Variants in MACROD2 observed in about 807,000 individuals in gnomAD.
The protein encoded by MACROD2 is ADP-ribose glycohydrolase MACROD2.
A neutral mutation model predicts 70.4 loss-of-function variants in MACROD2; 36 were observed. The ratio of observed to expected loss-of-function variants is 0.51; its 90% CI spans 0.39 to 0.68. The LOEUF (loss-of-function observed/expected upper bound fraction) is 0.68. MACROD2 is among the 30% of genes least tolerant of loss of function. The pLI, the probability that MACROD2 is intolerant of heterozygous loss-of-function variation, is 0.00. For missense variants in MACROD2, 496 were observed against 538.4 expected, an observed-to-expected ratio of 0.92 and a Z score of 0.78; for synonymous variants, 172 against 178.8, an observed-to-expected ratio of 0.96 and a Z score of 0.30.
rs534408338 is a variant in MACROD2 at position 14,504,584 on chromosome 20, A to C, written c.301+11076A>C. Among the ~76,000 whole-genome samples, 408 of 152,190 alleles carry C rather than the reference A, an allele frequency of 2.7e-3. 3 individuals carry two copies. The highest frequency in any genetic ancestry group is 4.3e-3 in the South Asian group (21 of 4,828). ...ACAGATTTTCTTCTTTGAATTTCCA[A>C]CTCATCCTTATGTCTAATTCTCATC... On this transcript the variant is annotated intron_variant, in intron 4 of 17. Coordinates refer to ENST00000684519, the MANE Select transcript of MACROD2 (RefSeq NM_001351661.2).
At chr20:14,026,414 A>G (rs577326093) in intron 2 of MACROD2, among the ~76,000 whole-genome samples, 1 of 152,294 alleles carries the variant, frequency 6.6e-6, no homozygotes, top group African/African-American at 2.4e-5. Context: ...TTGCCTGTTA[A>G]TTGATGCAGT....
chr20:14,899,412 G>T (rs2073869627), intron 5 of MACROD2, among the ~76,000 whole-genome samples: 1 of 152,026 alleles, frequency 6.6e-6, no homozygotes, highest in South Asian at 2.1e-4. Flanking sequence ...TTTTTCTGTG[G>T]GCCGTAAGGA....
chr20:14,353,337 AT>A (rs1242851314), intron 3 of MACROD2, among the ~76,000 whole-genome samples: 2 of 152,172 alleles, frequency 1.3e-5, no homozygotes, highest in East Asian at 3.8e-4. Context: ...ATGATAATTT[AT>A]TCATTAACTG....
intron 5 of MACROD2, among the ~76,000 whole-genome samples, chr20:15,086,023 C>G (rs566060960): frequency 1.3e-5 from 2 of 152,080 alleles, no homozygotes; most frequent in South Asian, 4.1e-4. Context: ...CACCCACCAA[C>G]CAGATCTACT....
chr20:15,494,833 TAAG>T (rs1411733480), intron 7 of MACROD2, among the ~76,000 whole-genome samples: 24 of 151,114 alleles, frequency 1.6e-4, no homozygotes, highest in African/African-American at 5.8e-4. Context: ...CAAAAGTAAA[TAAG>T]AAAAAAATCA....
At chr20:14,744,431 ATTATC>A (rs1270177820) in intron 5 of MACROD2, among the ~76,000 whole-genome samples, 1 of 152,160 alleles carries the variant, frequency 6.6e-6, no homozygotes, top group African/African-American at 2.4e-5. Context: ...TAACATATAT[ATTATC>A]TTACATAATT....
At chr20:14,003,696 G>A (rs537364842) in intron 2 of MACROD2, 2 of 482,186 alleles carry the variant, frequency 4.1e-6, no homozygotes, top group South Asian at 3.1e-5. Flanking sequence ...AGTCCCCACA[G>A]TGTAACAGGG....
chr20:15,191,441 G>A (rs2076569622), intron 5 of MACROD2, among the ~76,000 whole-genome samples: 1 of 152,214 alleles, frequency 6.6e-6, no homozygotes, highest in Admixed American at 6.5e-5. Context: ...TGCAGTTATA[G>A]TGAAGAGGTG....
At position 15,515,511 on chromosome 20, in the gene MACROD2, G is replaced by A. The variant is rs557514554; in HGVS notation, c.645+15664G>A. Among the ~76,000 whole-genome samples the A allele has an allele frequency of 7.9e-5, 12 of 152,264 alleles. No individual in the cohort carries two copies. In the South Asian group the frequency reaches 2.5e-3, roughly 32 times the overall value. ...AAACTTTTCCCTTCCAAATATCACT[G>A]TCTTTTACTGTGGTTGTGGATGTAC... On this transcript the variant is annotated intron_variant, in intron 8 of 17. Transcript: ENST00000684519.
chr20:15,517,477 GC>G (rs1451883426), intron 8 of MACROD2, among the ~76,000 whole-genome samples: 5 of 152,302 alleles, frequency 3.3e-5, no homozygotes, highest in Admixed American at 2.0e-4. Flanking sequence ...TGGTTTATCG[GC>G]TGTCATCTTA....
chr20:14,805,149 T>C (rs1476530933), intron 5 of MACROD2, among the ~76,000 whole-genome samples: 3 of 151,996 alleles, frequency 2.0e-5, no homozygotes, highest in Non-Finnish European at 1.5e-5. Flanking sequence ...ATGAAATTTC[T>C]CCCAAGAAAA....
chr20:14,808,520 C>CATAAACT (rs2072668001), intron 5 of MACROD2, among the ~76,000 whole-genome samples: 1 of 151,986 alleles, frequency 6.6e-6, no homozygotes, highest in African/African-American at 2.4e-5. Flanking sequence ...GAAGAAACTG[C>CATAAACT]ATAAACTAAT....
intron 4 of MACROD2, among the ~76,000 whole-genome samples, chr20:14,562,082 C>T (rs547497570): frequency 1.3e-5 from 2 of 151,958 alleles, no homozygotes; most frequent in South Asian, 4.1e-4. Context: ...CTAAATAGAA[C>T]CTATCCCTCT....
At chr20:15,102,545 T>C (rs551992694) in intron 5 of MACROD2, among the ~76,000 whole-genome samples, 2 of 152,080 alleles carry the variant, frequency 1.3e-5, no homozygotes, top group South Asian at 2.1e-4. Context: ...TTGAGTAGAA[T>C]AGAAAAGAGT....
chr20:14,857,197 A>C (rs1405536274), intron 5 of MACROD2, among the ~76,000 whole-genome samples: 1 of 152,148 alleles, frequency 6.6e-6, no homozygotes, highest in Non-Finnish European at 1.5e-5. Flanking sequence ...ACTGTCCTCC[A>C]CACAGATTAG....
At chr20:14,776,557 T>A (rs2072236631) in intron 5 of MACROD2, among the ~76,000 whole-genome samples, 1 of 152,034 alleles carries the variant, frequency 6.6e-6, no homozygotes, top group African/African-American at 2.4e-5. Context: ...AACATACGGG[T>A]CAGATTTGTC....
chr20:14,667,474 G>A (rs1357303228), intron 4 of MACROD2, among the ~76,000 whole-genome samples: 1 of 152,102 alleles, frequency 6.6e-6, no homozygotes, highest in Non-Finnish European at 1.5e-5. Flanking sequence ...ATTTTTCTAG[G>A]ATGAGAAAGT....
At chr20:15,592,925 T>C (rs76377427) in intron 8 of MACROD2, among the ~76,000 whole-genome samples, 1,558 of 152,260 alleles carry the variant, frequency 0.01, 25 homozygotes, top group African/African-American at 0.035. Context: ...AAATATTACA[T>C]TGGTGCACTT....
chr20:15,196,006 CACTT>C (rs2076603928), intron 5 of MACROD2, among the ~76,000 whole-genome samples: 1 of 152,168 alleles, frequency 6.6e-6, no homozygotes, highest in Non-Finnish European at 1.5e-5. Flanking sequence ...TGCATGTTCT[CACTT>C]ATAAGTGGGA....
Sources: allele counts gnomAD v4.1 joint callset (sites outside exome capture counted in the v4.1 genomes callset), GRCh38; gene constraint gnomAD v4.1.1; transcripts MANE v1.5; gene names NCBI Gene and HGNC (gene_info 2026-07-23, HGNC 2026-07-21).